DNAH5: variants seen among roughly 807,000 people sequenced by gnomAD.
DNAH5 encodes the protein dynein axonemal heavy chain 5.
Under a neutral mutation model 518.2 loss-of-function variants are expected in DNAH5, and 372 were observed. That is an observed-to-expected ratio of 0.72 (90% confidence interval 0.66 to 0.78). The LOEUF is 0.78. Ranked by LOEUF, DNAH5 falls within the 30% of genes least tolerant of loss-of-function variation. The pLI is 0.00. For missense variants in DNAH5, 5,523 were observed against 5,687.0 expected (o/e 0.97, Z 0.93); for synonymous variants, 2,039 against 2,025.9 (o/e 1.01, Z -0.17).
chr5:13,711,253 T>C (rs1743437897), intron 75 of DNAH5, among the ~76,000 whole-genome samples: 1 of 151,940 alleles, frequency 6.6e-6, no homozygotes, highest in African/African-American at 2.4e-5. Context: ...ATAAACAGAA[T>C]TAAAAACAAA....
chr5:13,787,689 A>AT (rs1161130511), intron 51 of DNAH5, among the ~76,000 whole-genome samples: 1 of 151,836 alleles, frequency 6.6e-6, no homozygotes, highest in African/African-American at 2.4e-5. Context: ...AATTACATAC[A>AT]TTTTAATTAC....
At chr5:13,839,635 G>A (rs1392369526) in intron 34 of DNAH5, 107 bp from the exon 35 acceptor site, 1 of 1,016,108 alleles carries the variant, frequency 9.8e-7, no homozygotes, top group Admixed American at 1.9e-5. Context: ...GAAACTCACA[G>A]ACAACCGAAC....
intron 27 of DNAH5, 24 bp downstream of exon 27, chr5:13,865,644 C>T (rs1350320362): frequency 7.3e-7 from 1 of 1,374,700 alleles, no homozygotes; most frequent in Admixed American, 1.7e-5. Flanking sequence ...AATTGCTGGG[C>T]ATGCTAAACA....
intron 47 of DNAH5, among the ~76,000 whole-genome samples, chr5:13,801,723 T>A (rs72732633): frequency 0.2 from 30,426 of 151,918 alleles, 3,300 homozygotes; most frequent in East Asian, 0.54. Flanking sequence ...CTCCAGGGGG[T>A]TCCTCGTCAG....
chr5:13,985,827 C>A (rs527355599), intron 1 of DNAH5, among the ~76,000 whole-genome samples: 2 of 152,238 alleles, frequency 1.3e-5, no homozygotes, highest in South Asian at 4.2e-4. Context: ...CCATGAGAAC[C>A]CCTGACCCGA....
chr5:13,737,149 C>G, intron 66 of DNAH5, 103 bp downstream of exon 66: 1 of 1,556,804 alleles, frequency 6.4e-7, no homozygotes, highest in Non-Finnish European at 8.8e-7. Flanking sequence ...CTCCACTTTG[C>G]ATAATCATTT....
At chr5:13,781,798 A>G (rs1755184974) in intron 52 of DNAH5, among the ~76,000 whole-genome samples, 1 of 152,088 alleles carries the variant, frequency 6.6e-6, no homozygotes, top group South Asian at 2.1e-4. Context: ...ACTAATACAT[A>G]TGGTATAGAT....
chr5:13,934,503 G>C (rs1335033582), intron 1 of DNAH5, among the ~76,000 whole-genome samples: 1 of 152,126 alleles, frequency 6.6e-6, no homozygotes, highest in Non-Finnish European at 1.5e-5. Context: ...ATATAGACTT[G>C]AGAAAAGGAT....
intron 1 of DNAH5, among the ~76,000 whole-genome samples, chr5:13,958,088 C>A (rs1463668495): frequency 6.6e-6 from 1 of 151,600 alleles, no homozygotes; most frequent in Non-Finnish European, 1.5e-5. Flanking sequence ...ATTACATAGG[C>A]CTTGATTTAT....
At chr5:13,983,206 A>AG (rs1157705980) in intron 1 of DNAH5, among the ~76,000 whole-genome samples, 1 of 152,190 alleles carries the variant, frequency 6.6e-6, no homozygotes. Context: ...GATGAAGGTG[A>AG]GGGCTGAGAA....
intron 52 of DNAH5, among the ~76,000 whole-genome samples, chr5:13,782,825 A>C (rs2126849535): frequency 6.6e-6 from 1 of 152,350 alleles, no homozygotes; most frequent in African/African-American, 2.4e-5. Flanking sequence ...AAAACCTCAT[A>C]ATCTAGTTAA....
intron 35 of DNAH5, among the ~76,000 whole-genome samples, chr5:13,831,643 A>C (rs1763679969): frequency 6.6e-6 from 1 of 152,224 alleles, no homozygotes; most frequent in South Asian, 2.1e-4. Context: ...TATAAAGGCA[A>C]GTAAATGACT....
intron 1 of DNAH5, among the ~76,000 whole-genome samples, chr5:14,009,341 T>C (rs967667537): frequency 3.9e-5 from 6 of 152,212 alleles, no homozygotes; most frequent in African/African-American, 1.4e-4. Flanking sequence ...TTCCCAATAC[T>C]GAGGCAAGCC....
chr5:13,979,846 T>G (rs921783138), intron 1 of DNAH5, among the ~76,000 whole-genome samples: 7 of 151,022 alleles, frequency 4.6e-5, no homozygotes, highest in Non-Finnish European at 1.0e-4. Flanking sequence ...TTTGGGGTTT[T>G]TTTTTTTTTT....
rs781513459 is a variant in DNAH5, at chr5:13,727,651, C to T, written c.11889G>A (p.Ser3963=). ...RQFSDVLDQI[S]RNEKMWKIWF... ...AAATTTTCCACATTTTCTCATTTCT[C>T]GATATCTGAAAATACCATGGGATAA... The change falls in exon 70 of 79, where the codon TCG becomes TCA. Residue 3963 remains serine (S), a synonymous_variant. Coordinates refer to ENST00000265104, the MANE Select transcript of DNAH5 (RefSeq NM_001369.3). 1 of 1,613,642 alleles carries T rather than the reference C, an allele frequency of 6.2e-7. No individual in the cohort carries two copies. The highest frequency in any genetic ancestry group is 8.5e-7 in the Non-Finnish European group (1 of 1,179,696).
intron 1 of DNAH5, among the ~76,000 whole-genome samples, chr5:13,953,469 T>C (rs942777266): frequency 2.0e-5 from 3 of 152,118 alleles, no homozygotes; most frequent in Non-Finnish European, 4.4e-5. Context: ...TCAAATGAAA[T>C]GGCACAATTA....
chr5:13,803,587 C>A (rs370257475), intron 47 of DNAH5, among the ~76,000 whole-genome samples: 1 of 152,220 alleles, frequency 6.6e-6, no homozygotes, highest in South Asian at 2.1e-4. Context: ...GAATCTCCTT[C>A]CACCCAAGTA....
chr5:13,973,929 CTCT>C (rs1476241117), intron 1 of DNAH5, among the ~76,000 whole-genome samples: 3 of 152,088 alleles, frequency 2.0e-5, no homozygotes, highest in African/African-American at 7.2e-5. Context: ...ACTGACGTCA[CTCT>C]TCTTATTGGT....
chr5:13,758,811 ATG>A (rs1397071852), intron 61 of DNAH5, 33 bp downstream of exon 61: 2 of 1,613,100 alleles, frequency 1.2e-6, no homozygotes, highest in East Asian at 2.2e-5. Flanking sequence ...CCGTGTAGAT[ATG>A]TGACAGTCCC....
Sources: gnomAD v4.1 joint callset for allele counts (sites outside exome capture counted in the v4.1 genomes callset) on GRCh38, gnomAD v4.1.1 for gene constraint, MANE v1.5 for transcripts, NCBI Gene and HGNC (gene_info 2026-07-23, HGNC 2026-07-21) for gene names.